Variants in SUN5 observed in about 807,000 individuals in gnomAD.
SUN5 encodes SUN domain-containing protein 5.
A neutral mutation model predicts 53.7 loss-of-function variants in SUN5; 44 were observed. That is an observed-to-expected ratio of 0.82 (90% confidence interval 0.64 to 1.05). The LOEUF (loss-of-function observed/expected upper bound fraction) is 1.05, where lower values mean the gene tolerates loss of function less well. Ranked by LOEUF, SUN5 falls within the 50% of genes least tolerant of loss-of-function variation. The pLI, the probability that SUN5 is intolerant of heterozygous loss-of-function variation, is 0.00. For missense variants in SUN5, 433 were observed against 483.8 expected, an observed-to-expected ratio of 0.90 and a Z score of 0.98; for synonymous variants, 166 against 179.8, an observed-to-expected ratio of 0.92 and a Z score of 0.62.
intron 7 of SUN5, 25 bp from the exon 8 acceptor site, chr20:32,995,752 G>A: frequency 6.2e-7 from 1 of 1,601,318 alleles, no homozygotes; most frequent in South Asian, 1.1e-5. Context: ...GTGATAACAA[G>A]AACAGGTTGA....
chr20:32,989,506 G>T, intron 9 of SUN5, 114 bp downstream of exon 9: 1 of 704,858 alleles, frequency 1.4e-6, no homozygotes, highest in South Asian at 1.5e-5. Flanking sequence ...GCTTGGAACA[G>T]AGGATGAACT....
At chr20:33,002,838 C>T in intron 2 of SUN5, 23 bp downstream of exon 2, 2 of 1,613,804 alleles carry the variant, frequency 1.2e-6, no homozygotes. Flanking sequence ...CATGAAAATA[C>T]CAGGGCACCT....
At chr20:32,984,335 G>A (rs150888042) in intron 12 of SUN5, among the ~76,000 whole-genome samples, 448 of 152,310 alleles carry the variant, frequency 2.9e-3, no homozygotes, top group Non-Finnish European at 5.0e-3. Flanking sequence ...CTCTAGAAGA[G>A]AATCATTCAC....
At chr20:32,992,747 A>C (rs979804391) in intron 8 of SUN5, among the ~76,000 whole-genome samples, 1 of 152,206 alleles carries the variant, frequency 6.6e-6, no homozygotes, top group African/African-American at 2.4e-5. Context: ...TCAATAAGAA[A>C]TGGCACTCTC....
At chr20:32,998,766 C>A (rs1341611386) in intron 5 of SUN5, among the ~76,000 whole-genome samples, 1 of 151,910 alleles carries the variant, frequency 6.6e-6, no homozygotes, top group African/African-American at 2.4e-5. Context: ...CACCTGTAAT[C>A]CTAGCACTTT....
At chr20:33,002,206 G>A (rs1990067935) in intron 3 of SUN5, among the ~76,000 whole-genome samples, 1 of 152,154 alleles carries the variant, frequency 6.6e-6, no homozygotes, top group Non-Finnish European at 1.5e-5. Flanking sequence ...TGAGAGAATG[G>A]GAGACTGAAA....
intron 9 of SUN5, 127 bp from the exon 10 acceptor site, chr20:32,987,902 A>G (rs1989591999): frequency 3.1e-6 from 2 of 643,278 alleles, no homozygotes; most frequent in Non-Finnish European, 2.8e-6. Flanking sequence ...GTTCTCCTCT[A>G]GGAAATGTGA....
chr20:33,004,179 G>A (rs1990126076), intron 1 of SUN5, 85 bp downstream of exon 1: 3 of 1,391,508 alleles, frequency 2.2e-6, no homozygotes, highest in African/African-American at 1.5e-5. Flanking sequence ...AGTTGACAAT[G>A]CCACTCATCT....
chr20:32,994,006 A>T (rs539937009), intron 8 of SUN5, among the ~76,000 whole-genome samples: 15 of 152,324 alleles, frequency 9.8e-5, no homozygotes, highest in African/African-American at 3.6e-4. Flanking sequence ...CCTGGCGGAG[A>T]AGGCTGCCAC....
chr20:32,989,532 G>A, intron 9 of SUN5, 88 bp downstream of exon 9: 1 of 1,133,556 alleles, frequency 8.8e-7, no homozygotes, highest in Non-Finnish European at 1.3e-6. Context: ...GCGGCAGAGG[G>A]AGTACCACAC....
intron 8 of SUN5, among the ~76,000 whole-genome samples, chr20:32,990,211 C>A (rs1190105250): frequency 6.6e-6 from 1 of 152,188 alleles, no homozygotes; most frequent in African/African-American, 2.4e-5. Context: ...TACTGAGGCA[C>A]AAAGGTGTAG....
intron 10 of SUN5, among the ~76,000 whole-genome samples, chr20:32,986,540 G>T (rs1329427432): frequency 6.6e-6 from 1 of 152,204 alleles, no homozygotes; most frequent in Non-Finnish European, 1.5e-5. Flanking sequence ...GCCCAGGGGT[G>T]CAGGGGGCTG....
intron 5 of SUN5, among the ~76,000 whole-genome samples, chr20:32,997,997 C>A (rs1295451457): frequency 6.6e-6 from 1 of 152,074 alleles, no homozygotes; most frequent in Non-Finnish European, 1.5e-5. Context: ...AGGCGCTCTG[C>A]ATTTTATGAT....
At chr20:32,997,966 G>C (rs1047582457) in intron 5 of SUN5, among the ~76,000 whole-genome samples, 2 of 152,020 alleles carry the variant, frequency 1.3e-5, no homozygotes, top group Non-Finnish European at 2.9e-5. Context: ...ACTCTACTGG[G>C]GATAACTGGC....
At chr20:32,984,060 C>G (rs1989468121) in intron 12 of SUN5, 111 bp from the exon 13 acceptor site, 1 of 1,359,766 alleles carries the variant, frequency 7.4e-7, no homozygotes, top group South Asian at 1.8e-5. Flanking sequence ...AAAACTAAGG[C>G]CCAGACAGGA....
intron 6 of SUN5, among the ~76,000 whole-genome samples, 183 bp from the exon 7 acceptor site, chr20:32,996,541 C>A (rs1989853139): frequency 6.6e-6 from 1 of 152,126 alleles, no homozygotes; most frequent in Non-Finnish European, 1.5e-5. Context: ...CCTTTTTATT[C>A]ATCCTTCCAG....
intron 8 of SUN5, among the ~76,000 whole-genome samples, chr20:32,993,865 G>C (rs1413658617): frequency 6.6e-6 from 1 of 152,224 alleles, no homozygotes; most frequent in Non-Finnish European, 1.5e-5. Context: ...CACGTGGGCC[G>C]TGGGCCGTAC....
chr20:32,989,727 C>T (rs758203460), intron 8 of SUN5, 29 bp from the exon 9 acceptor site: 1 of 1,600,144 alleles, frequency 6.2e-7, no homozygotes, highest in Non-Finnish European at 8.6e-7. Flanking sequence ...CAAGTTGTGC[C>T]CTGGTGTGTT....
chr20:32,990,469 G>A (rs1301116027), intron 8 of SUN5, among the ~76,000 whole-genome samples: 1 of 152,220 alleles, frequency 6.6e-6, no homozygotes, highest in African/African-American at 2.4e-5. Context: ...CCCACTGAGA[G>A]TTGGGGTCTA....
Sources: allele counts gnomAD v4.1 joint callset (sites outside exome capture counted in the v4.1 genomes callset), GRCh38; gene constraint gnomAD v4.1.1; transcripts MANE v1.5; gene names NCBI Gene and HGNC (gene_info 2026-07-23, HGNC 2026-07-21).